KCNQ1OT1: variants seen among roughly 807,000 people sequenced by gnomAD.
KCNQ1OT1 encodes the protein KCNQ1 opposite strand/antisense transcript 1, also known as KCNQ1 antisense RNA 2 (non-protein coding).
At chr11:2,622,194 C>T (rs1378955642) in exon 1 of KCNQ1OT1, 1 of 398,274 alleles carries the variant, frequency 2.5e-6, no homozygotes, top group Admixed American at 4.4e-5. Flanking sequence ...TTTCTCACTC[C>T]AATTCTGTCA....
At position 2,612,642 on chromosome 11, in the gene KCNQ1OT1, C is replaced by T. The variant is rs1848999814; in HGVS notation, n.87353G>A. The T allele has an allele frequency of 5.0e-6, 2 of 398,368 alleles. No individual in the cohort carries two copies. The highest frequency in any genetic ancestry group is 2.1e-5 in the African/African-American group (1 of 48,604). The allele number at this position is 398,368 out of a possible 1,614,324, so 24.7% of individuals were successfully genotyped here. On this transcript the variant is annotated non_coding_transcript_exon_variant, in exon 1 of 1. Transcript: ENST00000597346. The surrounding 1 kb of genome is among the most constrained non-coding windows in gnomAD (Gnocchi z 5.5). ...TATCTATTTGATGAGTCTTTGTCAT[C>T]ACACTTGCATTCTTTAATGTGGTTT... is the stretch of plus-strand genomic sequence containing the variant.
exon 1 of KCNQ1OT1, chr11:2,639,039 T>C (rs1419577168): frequency 6.6e-6 from 1 of 152,232 alleles, no homozygotes; most frequent in Non-Finnish European, 1.5e-5. Context: ...GTCACGTAGT[T>C]CTTGTGCCAT....
exon 1 of KCNQ1OT1, chr11:2,688,024 T>C: frequency 1.0e-5 from 4 of 398,712 alleles, no homozygotes; most frequent in Non-Finnish European, 1.8e-5. Flanking sequence ...CCCTCTAGGC[T>C]TGGGCAGGCA....
Position 2,627,742 on chromosome 11 carries a change from C to T in KCNQ1OT1, n.72253G>A. The T allele has an allele frequency of 5.0e-6, 2 of 398,264 alleles. No individual in the cohort carries two copies. The highest frequency in any genetic ancestry group is 2.6e-4 in the South Asian group (2 of 7,792). 24.7% of individuals were successfully genotyped at this position (398,264 alleles called of 1,614,324 possible). A position where few individuals can be genotyped will look rare whatever the true frequency, so the allele number is the denominator to read the frequency against. The stretch of plus-strand genomic sequence containing the variant: ...ATTTGGGAATTTGGTGATACACACA[C>T]ACACACTATTTTCTTCCTTTCTTTT... On this transcript the variant is annotated non_coding_transcript_exon_variant, in exon 1 of 1. Transcript: ENST00000597346. This position sits in a 1 kb window ranked among gnomAD's most constrained non-coding sequence, Gnocchi z 4.9.
chr11:2,697,503 A>G (rs939506034), exon 1 of KCNQ1OT1: 2 of 398,466 alleles, frequency 5.0e-6, no homozygotes, highest in African/African-American at 4.1e-5. Flanking sequence ...TTGGTTTATA[A>G]CTTGTATCAA....
exon 1 of KCNQ1OT1, chr11:2,689,408 TGGGGAGCATA>T (rs1365414019): frequency 1.0e-5 from 4 of 398,414 alleles, no homozygotes; most frequent in African/African-American, 8.2e-5. Context: ...TCTTGGGAAA[TGGGGAGCATA>T]GGGGAGGAGG....
At chr11:2,615,018 C>A in exon 1 of KCNQ1OT1, 1 of 398,426 alleles carries the variant, frequency 2.5e-6, no homozygotes, top group Non-Finnish European at 4.4e-6. Flanking sequence ...ATCTTCCAAT[C>A]TGTGAACACA....
rs1292816807 is a variant in KCNQ1OT1, at chr11:2,620,209, A to AT, written n.79785dup. ...CGTAAGTTCATTCATGTATATATAT[A>AT]TATTTTTTTTTTTTATTTTTTTTTT... is the stretch of plus-strand genomic sequence containing the variant. On this transcript the variant is annotated non_coding_transcript_exon_variant, in exon 1 of 1. Transcript: ENST00000597346. This position sits in a 1 kb window ranked among gnomAD's most constrained non-coding sequence, Gnocchi z 4.5. 39 of 301,980 alleles carry AT rather than the reference A, an allele frequency of 1.3e-4. No individual in the cohort carries two copies. The highest frequency in any genetic ancestry group is 1.2e-3 in the South Asian group (7 of 5,866). 18.7% of individuals were successfully genotyped at this position (301,980 alleles called of 1,614,324 possible).
At position 2,692,846 on chromosome 11, in the gene KCNQ1OT1, CAT is replaced by C. The variant is rs1213305442; in HGVS notation, n.7147_7148del. ...AATGATCATTCCCCTGCCTGTTAGA[CAT>C]AATTCACTGCCTGGGAAGGCACTGT... On this transcript the variant is annotated non_coding_transcript_exon_variant, in exon 1 of 1. Transcript: ENST00000597346. 34 of 398,670 alleles carry C rather than the reference CAT, an allele frequency of 8.5e-5. No individual in the cohort carries two copies. The highest frequency in any genetic ancestry group is 1.5e-4 in the Non-Finnish European group (34 of 226,102). 24.7% of individuals were successfully genotyped at this position (398,670 alleles called of 1,614,324 possible).
chr11:2,672,104 G>T, exon 1 of KCNQ1OT1: 1 of 398,724 alleles, frequency 2.5e-6, no homozygotes, highest in South Asian at 1.3e-4. Context: ...TCTGCCCACA[G>T]GGGACCTTTC....
At chr11:2,625,998 T>C (rs748107687) in exon 1 of KCNQ1OT1, 39 of 398,558 alleles carry the variant, frequency 9.8e-5, no homozygotes, top group Non-Finnish European at 1.4e-4. Flanking sequence ...GGTTGTCTTA[T>C]TGCTTAGTTG....
rs188083723 is a variant in KCNQ1OT1, at chr11:2,667,055, G to A, written n.32940C>T. 2,351 of 398,634 alleles carry A rather than the reference G, an allele frequency of 5.9e-3. 15 individuals are homozygous for A. Among genetic ancestry groups the A allele is most frequent in the Non-Finnish European group, 7.7e-3 (1,737 of 226,090 alleles). 24.7% of individuals were successfully genotyped at this position (398,634 alleles called of 1,614,324 possible). ...CATAGCCCCAGCCAGGCTCAAACCCGTCTCTGAAATGCACGGGGGGATTAA... is the reference window on the plus strand; with the variant it reads ...CATAGCCCCAGCCAGGCTCAAACCCATCTCTGAAATGCACGGGGGGATTAA... On this transcript the variant is annotated non_coding_transcript_exon_variant, in exon 1 of 1. Coordinates refer to ENST00000597346, the Ensembl canonical transcript of KCNQ1OT1.
rs931807667 is a variant in KCNQ1OT1, at chr11:2,671,093, GCAGTTAGTCTGAGCAGTTAGTCTGT to G, written n.28877_28901del. ...TGACTGGCTAGCAGGAGGAAGTCTG[GCAGTTAGTCTGAGCAGTTAGTCTGT>G]CAGGCCTGGTTGGTCCCATGGGAGG... On this transcript the variant is annotated non_coding_transcript_exon_variant, in exon 1 of 1. Transcript: ENST00000597346. The surrounding 1 kb of genome is among the most constrained non-coding windows in gnomAD (Gnocchi z 4.7). 7.9e-5 allele frequency: 10 copies of G among 126,256 alleles called. No homozygotes were observed. In the African/African-American group the frequency reaches 1.0e-3, roughly 13 times the overall value. The allele number at this position is 126,256 out of a possible 1,614,324, so 7.8% of individuals were successfully genotyped here.
chr11:2,635,872 G>C (rs1464951096), exon 1 of KCNQ1OT1: 8 of 152,134 alleles, frequency 5.3e-5, no homozygotes, highest in Non-Finnish European at 1.0e-4. Context: ...GCAGTGGTTT[G>C]TACTTCTCCT....
chr11:2,658,242 T>G lies in KCNQ1OT1; in HGVS notation n.41753A>C. 1 of 398,616 alleles carries G rather than the reference T, an allele frequency of 2.5e-6. No homozygotes were observed. The highest frequency in any genetic ancestry group is 2.1e-5 in the African/African-American group (1 of 48,770). 24.7% of individuals were successfully genotyped at this position (398,616 alleles called of 1,614,324 possible). A position where few individuals can be genotyped will look rare whatever the true frequency, so the allele number is the denominator to read the frequency against. ...ATGGATCGTTTTCCTGCAGCAAATA[T>G]TACCGTGATGTACTTCTATTTTCCT... On this transcript the variant is annotated non_coding_transcript_exon_variant, in exon 1 of 1. Coordinates refer to ENST00000597346, the Ensembl canonical transcript of KCNQ1OT1. The surrounding 1 kb of genome is among the most constrained non-coding windows in gnomAD (Gnocchi z 4.9).
At chr11:2,632,263 A>ATTCAGTTT in exon 1 of KCNQ1OT1, 1 of 396,778 alleles carries the variant, frequency 2.5e-6, no homozygotes, top group East Asian at 3.6e-5. Context: ...GAATTAATTT[A>ATTCAGTTT]TTCAGTTTTT....
chr11:2,648,738 T>C (rs189596829), exon 1 of KCNQ1OT1: 2 of 398,526 alleles, frequency 5.0e-6, no homozygotes, highest in African/African-American at 2.1e-5. Context: ...GAAGCAGCAG[T>C]TCAAATCTAA....
At chr11:2,692,904 C>CA in exon 1 of KCNQ1OT1, 1 of 398,358 alleles carries the variant, frequency 2.5e-6, no homozygotes, top group Non-Finnish European at 4.4e-6. Context: ...TGGCTAAAAT[C>CA]AACTGTAGCA....
chr11:2,651,716 A>C lies in KCNQ1OT1; in HGVS notation n.48279T>G. ...GTAATAGGCCATTTCCTAAGTAAGC[A>C]TCATCCTCATTTCTATACGTTTTCT... On this transcript the variant is annotated non_coding_transcript_exon_variant, in exon 1 of 1. Transcript: ENST00000597346. This position sits in a 1 kb window ranked among gnomAD's most constrained non-coding sequence, Gnocchi z 6.1. 1 of 398,572 alleles carries C rather than the reference A, an allele frequency of 2.5e-6. No homozygotes were observed. Among genetic ancestry groups the C allele is most frequent in the Non-Finnish European group, 4.4e-6 (1 of 226,058 alleles). The allele number at this position is 398,572 out of a possible 1,614,324, so 24.7% of individuals were successfully genotyped here.
Sources: allele counts gnomAD v4.1 joint callset, GRCh38; gene constraint gnomAD v4.1.1; non-coding constraint Gnocchi (gnomAD v3.1); transcripts MANE v1.5; gene names NCBI Gene and HGNC (gene_info 2026-07-23, HGNC 2026-07-21).